The following HEATR4 variants were observed in gnomAD, a reference collection of about 807,000 sequenced individuals.
The protein encoded by HEATR4 is HEAT repeat containing 4.
Under a neutral mutation model 108.8 loss-of-function variants are expected in HEATR4, and 95 were observed. The observed-to-expected ratio is 0.87, with a 90% confidence interval of 0.74 to 1.04. The LOEUF (loss-of-function observed/expected upper bound fraction) is 1.04. Among genes scored for constraint, HEATR4 ranks in the 50% least tolerant of loss-of-function variants. HEATR4 has a pLI of 0.00. For synonymous variants in HEATR4, 443 were observed against 459.4 expected (o/e 0.96, Z 0.46); for missense variants, 1,152 against 1,253.8 (o/e 0.92, Z 1.23).
In HEATR4 at chr14:73,497,621, TA is replaced by T. The variant is rs1307405157; in HGVS notation, c.2546+533del. ...ATGTTAGTTGAATATATGAATAACTTAAAACCCATCCTTTTTTTTTTTGAGA... is the reference window on the plus strand; with the variant it reads ...ATGTTAGTTGAATATATGAATAACTTAAACCCATCCTTTTTTTTTTTGAGA... On this transcript the variant is annotated intron_variant, in intron 14 of 17. Transcript: ENST00000553558. 9.2e-5 allele frequency among the ~76,000 whole-genome samples: 14 copies of T among 152,292 alleles called. No individual in the cohort carries two copies. In the East Asian group the frequency reaches 1.9e-3, roughly 21 times the overall value.
chr14:73,564,859 T>C, the HEATR4 span, among the ~76,000 whole-genome samples: 25 of 150,790 alleles, frequency 1.7e-4, no homozygotes, highest in Non-Finnish European at 2.8e-4. Flanking sequence ...CATGAACCAC[T>C]GCACCCAGCT....
At chr14:73,585,812 G>A in the HEATR4 span, among the ~76,000 whole-genome samples, 3 of 138,204 alleles carry the variant, frequency 2.2e-5, no homozygotes, top group African/African-American at 9.3e-5. Context: ...CCACTGTTTT[G>A]TCTTTTTCTT....
At chr14:73,572,940 C>G in the HEATR4 span, among the ~76,000 whole-genome samples, 1 of 151,422 alleles carries the variant, frequency 6.6e-6, no homozygotes. Flanking sequence ...GCCACCGGAC[C>G]CAGCCTGCAT....
chr14:73,583,321 C>T, the HEATR4 span, among the ~76,000 whole-genome samples: 1 of 149,558 alleles, frequency 6.7e-6, no homozygotes, highest in Non-Finnish European at 1.5e-5. Flanking sequence ...TGCACTCCAG[C>T]CTAGGTGACA....
intron 16 of HEATR4, among the ~76,000 whole-genome samples, chr14:73,494,834 T>C (rs1231323713): frequency 6.6e-6 from 1 of 152,014 alleles, no homozygotes; most frequent in Admixed American, 6.6e-5. Flanking sequence ...GCACTGAGAG[T>C]CCAGGTGTGC....
Position 73,506,581 on chromosome 14 carries a change from T to C in HEATR4, c.1882-10A>G. On this transcript the variant is annotated splice_polypyrimidine_tract_variant and intron_variant, in intron 9 of 17. Transcript: ENST00000553558. ...TGGTGTGTATCAGGGTCTGAGGAAATGGAAGACTTGTATGGATATTCACAA... is the reference window on the plus strand; with the variant it reads ...TGGTGTGTATCAGGGTCTGAGGAAACGGAAGACTTGTATGGATATTCACAA... 6.3e-7 allele frequency: 1 copy of C among 1,595,178 alleles called. No individual in the cohort carries two copies. Among genetic ancestry groups the C allele is most frequent in the South Asian group, 1.1e-5 (1 of 90,694 alleles).
intron 17 of HEATR4, among the ~76,000 whole-genome samples, chr14:73,485,403 A>T (rs974892423): frequency 2.1e-5 from 3 of 140,466 alleles, no homozygotes; most frequent in Admixed American, 1.4e-4. Context: ...ACATGGGTGA[A>T]TTTTTTTTTT....
At position 73,478,641 on chromosome 14, in the gene HEATR4, A is replaced by T. The variant is rs139188683; in HGVS notation, c.3046T>A (p.Ser1016Thr). 1,322 of 1,613,876 alleles carry T rather than the reference A, an allele frequency of 8.2e-4. 3 individuals carry two copies. The highest frequency in any genetic ancestry group is 9.9e-4 in the South Asian group (90 of 91,082). ...SERTFFSPIMSSPSGKKGAHL is the reference protein window; with the variant it reads ...SERTFFSPIMTSPSGKKGAHL The stretch of plus-strand genomic sequence containing the variant: ...GCACCTTTCTTTCCAGAGGGAGAAG[A>T]CATGATGGGAGAAAAAAATGTTCTC... Residue 1016 changes from serine to threonine, a missense_variant, in exon 18 of 18, where the codon TCT becomes ACT. Ser to Thr is a moderately conservative substitution (Grantham distance 58). Coordinates refer to ENST00000553558, the MANE Select transcript of HEATR4 (RefSeq NM_001220484.1).
chr14:73,478,950 TC>T, intron 17 of HEATR4, 108 bp from the exon 18 acceptor site: 1 of 785,082 alleles, frequency 1.3e-6, no homozygotes, highest in Non-Finnish European at 2.0e-6. Flanking sequence ...TTTTTTTTTT[TC>T]TTTTTGAGAC....
the HEATR4 span, chr14:73,571,171 A>G: frequency 1.3e-5 from 2 of 151,518 alleles, no homozygotes; most frequent in Admixed American, 6.6e-5. Flanking sequence ...CTGGCTGGCT[A>G]TGATCTCCCT....
At chr14:73,603,141 TCTGA>T in the HEATR4 span, among the ~76,000 whole-genome samples, 7 of 152,206 alleles carry the variant, frequency 4.6e-5, no homozygotes, top group African/African-American at 1.7e-4. Context: ...ACAAATATGG[TCTGA>T]CTCTTTCCAG....
chr14:73,585,999 ACT>A, the HEATR4 span, among the ~76,000 whole-genome samples: 1 of 124,120 alleles, frequency 8.1e-6, no homozygotes, highest in Non-Finnish European at 1.6e-5. Flanking sequence ...ACAGAGTGAG[ACT>A]CTGTCGCAAA....
At chr14:73,537,275 T>C in intron 1 of HEATR4, 1 of 716,748 alleles carries the variant, frequency 1.4e-6, no homozygotes, top group South Asian at 2.1e-5. Context: ...TCGGCTGGAC[T>C]CTGGCCTTCC....
At chr14:73,572,250 G>C in the HEATR4 span, among the ~76,000 whole-genome samples, 3 of 141,024 alleles carry the variant, frequency 2.1e-5, no homozygotes, top group Non-Finnish European at 4.6e-5. Context: ...ATCAACAATA[G>C]AACAGATTAA....
the HEATR4 span, among the ~76,000 whole-genome samples, chr14:73,580,275 T>C: frequency 6.6e-6 from 1 of 152,000 alleles, no homozygotes; most frequent in African/African-American, 2.4e-5. Context: ...ACTATAGGTA[T>C]TTGCCACCAT....
At chr14:73,610,435 C>T in the HEATR4 span, among the ~76,000 whole-genome samples, 10 of 151,946 alleles carry the variant, frequency 6.6e-5, no homozygotes, top group East Asian at 1.9e-4. Flanking sequence ...GGATTACAGG[C>T]GCGTGCTGCC....
chr14:73,596,233 T>A, the HEATR4 span: 2 of 152,364 alleles, frequency 1.3e-5, no homozygotes, highest in African/African-American at 4.8e-5. Context: ...TGGGGCCGAG[T>A]ACAGTGGCTC....
the HEATR4 span, among the ~76,000 whole-genome samples, chr14:73,618,858 C>T: frequency 1.3e-5 from 2 of 152,034 alleles, no homozygotes; most frequent in African/African-American, 4.8e-5. Context: ...TGGCGGGGCA[C>T]GGTGGCTCAT....
At chr14:73,596,262 C>T in the HEATR4 span, 1 of 152,314 alleles carries the variant, frequency 6.6e-6, no homozygotes, top group African/African-American at 2.4e-5. Context: ...AATCCCAGTA[C>T]TTTGGGAAGT....
Sources: allele counts gnomAD v4.1 joint callset (sites outside exome capture counted in the v4.1 genomes callset), GRCh38; gene constraint gnomAD v4.1.1; transcripts MANE v1.5; gene names NCBI Gene and HGNC (gene_info 2026-07-23, HGNC 2026-07-21).